The following BRWD3 variants were observed in gnomAD, a reference collection of about 807,000 sequenced individuals.
The protein encoded by BRWD3 is bromodomain and WD repeat-containing protein 3.
BRWD3 carries 10 observed loss-of-function variants against 149.7 expected under a neutral mutation model. The ratio of observed to expected loss-of-function variants is 0.07; its 90% CI spans 0.04 to 0.11. The LOEUF is 0.11. Among genes scored for constraint, BRWD3 ranks in the 10% least tolerant of loss-of-function variants. The pLI, the probability that BRWD3 is intolerant of heterozygous loss-of-function variation, is 1.00. For missense variants in BRWD3, 940 were observed against 1,373.2 expected, an observed-to-expected ratio of 0.68 and a Z score of 4.99; for synonymous variants, 504 against 456.7, an observed-to-expected ratio of 1.10 and a Z score of -1.32.
intron 21 of BRWD3, among the ~76,000 whole-genome samples, chrX:80,708,282 G>A (rs2072898989): frequency 9.0e-6 from 1 of 110,659 alleles, no homozygotes; most frequent in Non-Finnish European, 1.9e-5. Flanking sequence ...TGTAGTCCTA[G>A]CTACTTGGGA....
intron 16 of BRWD3, 29 bp from the exon 17 acceptor site, chrX:80,722,816 A>G: frequency 1.8e-6 from 2 of 1,098,447 alleles, no homozygotes; most frequent in Admixed American, 2.2e-5. Context: ...GTGGGTTAAC[A>G]TACACAGGGA....
chrX:80,728,651 G>C lies in BRWD3; in HGVS notation c.1386+101C>G. 3 of 720,734 alleles carry C rather than the reference G, an allele frequency of 4.2e-6. No homozygotes were observed. In the South Asian group the frequency reaches 8.2e-5, roughly 20 times the overall value. 59.4% of individuals were successfully genotyped at this position (720,734 alleles called of 1,213,427 possible). A position where few individuals can be genotyped will look rare whatever the true frequency, so the allele number is the denominator to read the frequency against. On this transcript the variant is annotated intron_variant, in intron 14 of 40. Transcript: ENST00000373275. The stretch of plus-strand genomic sequence containing the variant: ...CAGAAAATCATTTTTCCAAGGACTA[G>C]TATAGTATATCATAGAAAGGAACCT...
chrX:80,739,398 G>A (rs565478969), intron 8 of BRWD3, among the ~76,000 whole-genome samples: 2 of 111,533 alleles, frequency 1.8e-5, no homozygotes, highest in South Asian at 7.6e-4. Flanking sequence ...ATGATGCCAA[G>A]AAGATAGTTG....
At position 80,692,081 on chromosome X, in the gene BRWD3, A is replaced by G. The variant is rs1416143067; in HGVS notation, c.3325+8T>C. 1.7e-6 allele frequency: 2 copies of G among 1,201,475 alleles called. No individual in the cohort carries two copies. Among genetic ancestry groups the G allele is most frequent in the Middle Eastern group, 2.6e-4 (1 of 3,775 alleles). The stretch of plus-strand genomic sequence containing the variant: ...GAATTATAATTCATTTTTTAAAAGC[A>G]TATTTACTTCCTTCTGGAATTGGCT... On this transcript the variant is annotated splice_region_variant and intron_variant, in intron 29 of 40. Transcript: ENST00000373275.
chrX:80,690,109 ACT>A lies in BRWD3; in HGVS notation c.3603-19_3603-18del, dbSNP rs1569247230. The A allele has an allele frequency of 1.7e-6, 2 of 1,201,491 alleles. No individual in the cohort carries two copies. Among genetic ancestry groups the A allele is most frequent in the East Asian group, 3.0e-5 (1 of 33,640 alleles). ...GATATTCTCCTGTGAAAGAAAAAATACTCTGTTAGCCTTGGCTAATATATTTA... is the reference window on the plus strand; with the variant it reads ...GATATTCTCCTGTGAAAGAAAAAATACTGTTAGCCTTGGCTAATATATTTA... On this transcript the variant is annotated intron_variant, in intron 31 of 40. Coordinates refer to ENST00000373275, the MANE Select transcript of BRWD3 (RefSeq NM_153252.5).
At chrX:80,724,866 T>C in intron 15 of BRWD3, 67 bp downstream of exon 15, 1 of 1,146,933 alleles carries the variant, frequency 8.7e-7, no homozygotes, top group Non-Finnish European at 1.2e-6. Context: ...TATACTTTAA[T>C]TAACCAAGTT....
At chrX:80,709,156 CCT>C (rs2072919850) in intron 21 of BRWD3, among the ~76,000 whole-genome samples, 1 of 110,645 alleles carries the variant, frequency 9.0e-6, no homozygotes, top group Non-Finnish European at 1.9e-5. Flanking sequence ...AGGCTGATTT[CCT>C]CTTACTCTTT....
At chrX:80,680,401 G>A (rs903250462) in intron 40 of BRWD3, among the ~76,000 whole-genome samples, 1 of 112,034 alleles carries the variant, frequency 8.9e-6, no homozygotes, top group Admixed American at 9.5e-5. Flanking sequence ...AAGTAAAATA[G>A]CATCTCCTTA....
At chrX:80,704,940 T>C in intron 22 of BRWD3, 94 bp from the exon 23 acceptor site, 1 of 898,736 alleles carries the variant, frequency 1.1e-6, no homozygotes, top group Non-Finnish European at 1.6e-6. Flanking sequence ...AACAGCATTA[T>C]AAATGACATG....
At chrX:80,771,730 C>T (rs944288874) in intron 6 of BRWD3, among the ~76,000 whole-genome samples, 3 of 111,476 alleles carry the variant, frequency 2.7e-5, no homozygotes, top group Non-Finnish European at 5.6e-5. Flanking sequence ...TGACAAAGGG[C>T]TAATATCCAG....
At chrX:80,732,326 G>C (rs894249378) in intron 12 of BRWD3, among the ~76,000 whole-genome samples, 1 of 112,117 alleles carries the variant, frequency 8.9e-6, no homozygotes, top group Non-Finnish European at 1.9e-5. Context: ...TTTTAGGCTA[G>C]AGCCTTTTTG....
At chrX:80,706,464 A>T (rs1000993242) in intron 22 of BRWD3, among the ~76,000 whole-genome samples, 16 of 110,955 alleles carry the variant, frequency 1.4e-4, no homozygotes, top group East Asian at 2.8e-4. Flanking sequence ...AAGGTTTAAA[A>T]TTTTTTTTTA....
intron 18 of BRWD3, 99 bp from the exon 19 acceptor site, chrX:80,717,858 T>C: frequency 2.7e-6 from 2 of 737,574 alleles, no homozygotes; most frequent in Non-Finnish European, 4.2e-6. Flanking sequence ...AATATAGTAC[T>C]GCTGTAAGAA....
In BRWD3 at chrX:80,673,930, A is replaced by C. The variant is rs1252170308; in HGVS notation, c.*2679T>G. 3.6e-5 allele frequency: 4 copies of C among 111,665 alleles called. No individual in the cohort carries two copies. In the East Asian group the frequency reaches 1.1e-3, roughly 31 times the overall value. The allele number at this position is 111,665 out of a possible 1,213,427, so 9.2% of individuals were successfully genotyped here. On this transcript the variant is annotated 3_prime_UTR_variant, in exon 41 of 41. Transcript: ENST00000373275. ...AGAAATTAAAATGATAAAGTAATCA[A>C]TGTGATACTAATTACAACACATTCA...
intron 6 of BRWD3, among the ~76,000 whole-genome samples, chrX:80,751,844 G>A (rs942460079): frequency 9.1e-6 from 1 of 110,284 alleles, no homozygotes; most frequent in Non-Finnish European, 1.9e-5. Flanking sequence ...TACCTGGCTT[G>A]TTTTACTTAA....
At chrX:80,678,936 T>C (rs2072407041) in intron 40 of BRWD3, among the ~76,000 whole-genome samples, 1 of 111,506 alleles carries the variant, frequency 9.0e-6, no homozygotes, top group Admixed American at 9.6e-5. Context: ...GGACTATAAC[T>C]CAACAGGACT....
chrX:80,759,047 C>T (rs2073775062), intron 6 of BRWD3, among the ~76,000 whole-genome samples: 1 of 111,692 alleles, frequency 9.0e-6, no homozygotes, highest in African/African-American at 3.3e-5. Context: ...ATAGTAAGAG[C>T]ACAATGTTCC....
rs2074201528 is a variant in BRWD3 at position 80,793,184 on chromosome X, A to AAC, written c.331+437_331+438insGT. 1.1e-4 allele frequency among the ~76,000 whole-genome samples: 11 copies of AAC among 104,578 alleles called. No individual in the cohort carries two copies. The South Asian group carries it at 4.5e-3, about 42-fold the overall frequency. The allele number at this position is 104,578 out of a possible 115,157, so 90.8% of individuals were successfully genotyped here. On this transcript the variant is annotated intron_variant, in intron 5 of 40. Coordinates refer to ENST00000373275, the MANE Select transcript of BRWD3 (RefSeq NM_153252.5). Reference sequence around the variant, plus strand: ...TCAAAAAAAAAAAAAAAAAAAAAAAAAAATTACTGATAGGTTGATATTTTT... The same window carrying AAC: ...TCAAAAAAAAAAAAAAAAAAAAAAAAACAAATTACTGATAGGTTGATATTTTT...
At chrX:80,712,191 G>C (rs1362461044) in intron 20 of BRWD3, among the ~76,000 whole-genome samples, 1 of 111,753 alleles carries the variant, frequency 8.9e-6, no homozygotes, top group Non-Finnish European at 1.9e-5. Flanking sequence ...GTATCCCTCT[G>C]ATGCCGAGCC....
Sources: gnomAD v4.1 joint callset for allele counts (sites outside exome capture counted in the v4.1 genomes callset) on GRCh38, gnomAD v4.1.1 for gene constraint, MANE v1.5 for transcripts, NCBI Gene and HGNC (gene_info 2026-07-23, HGNC 2026-07-21) for gene names.